Variants in NFILZ observed in about 807,000 individuals in gnomAD.
NFILZ encodes NFIL3 like basic leucine zipper.
At chr19:8,652,368 G>T (rs1555747790) in intron 3 of NFILZ, among the ~76,000 whole-genome samples, 1 of 152,222 alleles carries the variant, frequency 6.6e-6, no homozygotes. Flanking sequence ...CTCCCAAAGT[G>T]CTGGGATTAC....
chr19:8,638,514 A>G (rs570288706), intron 3 of NFILZ: 14 of 152,330 alleles, frequency 9.2e-5, no homozygotes, highest in South Asian at 6.2e-4. Context: ...TCATTCAACA[A>G]ATATTTACGG....
rs2043131559 is a variant in NFILZ at position 8,678,868 on chromosome 19, G to A, written c.*1233G>A. Among the ~76,000 whole-genome samples the A allele has an allele frequency of 6.6e-6, 1 of 152,176 alleles. No individual in the cohort carries two copies. The highest frequency in any genetic ancestry group is 2.1e-4 in the South Asian group (1 of 4,834). On this transcript the variant is annotated 3_prime_UTR_variant, in exon 6 of 6. Transcript: ENST00000691075. ...TCCTTTTGTGCCCAGTTAGTGACAAGTGAGAAGACACTTTTCTGGTCTTGG... is the reference window on the plus strand; with the variant it reads ...TCCTTTTGTGCCCAGTTAGTGACAAATGAGAAGACACTTTTCTGGTCTTGG...
chr19:8,677,972 T>C lies in NFILZ; in HGVS notation c.*337T>C, dbSNP rs1234942985. On this transcript the variant is annotated 3_prime_UTR_variant, in exon 6 of 6. Transcript: ENST00000691075. ...CATTCATCCTCATTTATTCATCCAT[T>C]CATTCATTCATCAATCCTTATCCAT... Among the ~76,000 whole-genome samples, 3 of 151,780 alleles carry C rather than the reference T, an allele frequency of 2.0e-5. No homozygotes were observed. The highest frequency in any genetic ancestry group is 4.4e-5 in the Non-Finnish European group (3 of 67,896).
intron 2 of NFILZ, among the ~76,000 whole-genome samples, chr19:8,633,747 G>T (rs934130820): frequency 6.6e-6 from 1 of 152,286 alleles, no homozygotes; most frequent in South Asian, 2.1e-4. Context: ...CTGCCTCCTG[G>T]TCAAGGGAGC....
intron 3 of NFILZ, among the ~76,000 whole-genome samples, chr19:8,647,838 A>ACACAC: frequency 1.1e-5 from 1 of 91,230 alleles, no homozygotes; most frequent in Non-Finnish European, 2.3e-5. Context: ...CACACACACA[A>ACACAC]CTGGGGCCTG....
At chr19:8,664,545 C>T (rs1350001936) in intron 3 of NFILZ, among the ~76,000 whole-genome samples, 1 of 152,104 alleles carries the variant, frequency 6.6e-6, no homozygotes, top group African/African-American at 2.4e-5. Context: ...AGACTGAGTT[C>T]CCACAGAAGC....
intron 3 of NFILZ, among the ~76,000 whole-genome samples, chr19:8,656,495 C>CTCTGAAA (rs1171486642): frequency 4.8e-5 from 5 of 104,638 alleles, no homozygotes; most frequent in South Asian, 2.9e-4. Context: ...CCCACCTTCT[C>CTCTGAAA]CCGCAGCCCA....
chr19:8,635,031 C>A (rs1193272058), intron 2 of NFILZ, among the ~76,000 whole-genome samples: 1 of 151,994 alleles, frequency 6.6e-6, no homozygotes, highest in Non-Finnish European at 1.5e-5. Context: ...GAATACCGGC[C>A]AGGCCTGGTG....
intron 3 of NFILZ, among the ~76,000 whole-genome samples, chr19:8,647,570 C>T (rs1555747190): frequency 6.8e-6 from 1 of 148,140 alleles, no homozygotes; most frequent in Non-Finnish European, 1.5e-5. Context: ...GACATTCTGT[C>T]CCCGCACCCC....
chr19:8,633,070 G>T (rs1167225196), intron 2 of NFILZ, among the ~76,000 whole-genome samples: 1 of 134,386 alleles, frequency 7.4e-6, no homozygotes, highest in Non-Finnish European at 1.5e-5. Flanking sequence ...ACTCAGGCTG[G>T]AGTGCAGTGG....
Position 8,641,063 on chromosome 19 carries a change from G to A in NFILZ, c.-164+5317G>A, listed in dbSNP as rs537720432. Reference sequence around the variant, plus strand: ...TGCATCTTTGTAATTGTAGCATTTGGTGTTCACTTGAAGGATGGGTCTTCA... The same window carrying A: ...TGCATCTTTGTAATTGTAGCATTTGATGTTCACTTGAAGGATGGGTCTTCA... On this transcript the variant is annotated intron_variant, in intron 3 of 5. Transcript: ENST00000691075. 4.6e-5 allele frequency among the ~76,000 whole-genome samples: 7 copies of A among 152,260 alleles called. No individual in the cohort carries two copies. In the South Asian group the frequency reaches 1.4e-3, roughly 32 times the overall value.
chr19:8,645,736 G>A (rs1240597039), intron 3 of NFILZ, among the ~76,000 whole-genome samples: 2 of 152,130 alleles, frequency 1.3e-5, no homozygotes, highest in Non-Finnish European at 2.9e-5. Flanking sequence ...GGAAGGATTG[G>A]GGCGTTAGCT....
intron 3 of NFILZ, among the ~76,000 whole-genome samples, chr19:8,668,511 A>G (rs1307704889): frequency 6.6e-6 from 1 of 152,202 alleles, no homozygotes; most frequent in Non-Finnish European, 1.5e-5. Context: ...TATTCATTGT[A>G]CAGCTCTTTC....
At chr19:8,652,568 AG>A in intron 3 of NFILZ, among the ~76,000 whole-genome samples, 1 of 152,360 alleles carries the variant, frequency 6.6e-6, no homozygotes, top group African/African-American at 2.4e-5. Context: ...TTCACGCTAA[AG>A]AATGAGGCAA....
chr19:8,655,382 C>T (rs2042987497), intron 3 of NFILZ, among the ~76,000 whole-genome samples: 2 of 152,172 alleles, frequency 1.3e-5, no homozygotes, highest in Non-Finnish European at 2.9e-5. Context: ...GTCTTCCTCC[C>T]CCTGTACCCT....
At chr19:8,657,076 C>T (rs2043007540) in intron 3 of NFILZ, among the ~76,000 whole-genome samples, 1 of 151,128 alleles carries the variant, frequency 6.6e-6, no homozygotes, top group Admixed American at 6.6e-5. Flanking sequence ...GTTCCTGTGC[C>T]TGTCTGGGGT....
chr19:8,650,008 G>GGGA (rs552600115), intron 3 of NFILZ, among the ~76,000 whole-genome samples: 203 of 151,976 alleles, frequency 1.3e-3, no homozygotes, highest in Non-Finnish European at 2.2e-3. Flanking sequence ...CCAGCCACTT[G>GGGA]GGAGGCTGAG....
intron 2 of NFILZ, among the ~76,000 whole-genome samples, chr19:8,633,763 C>T (rs1471800946): frequency 6.6e-6 from 1 of 152,080 alleles, no homozygotes; most frequent in African/African-American, 2.4e-5. Flanking sequence ...GGAGCAGGGT[C>T]CTGGGGAGGG....
chr19:8,662,822 A>G (rs1180459095), intron 3 of NFILZ, among the ~76,000 whole-genome samples: 1 of 150,544 alleles, frequency 6.6e-6, no homozygotes, highest in African/African-American at 2.4e-5. Context: ...TTTTTAGTAG[A>G]CATGGGGTTT....
Sources: gnomAD v4.1 joint callset for allele counts (sites outside exome capture counted in the v4.1 genomes callset) on GRCh38, gnomAD v4.1.1 for gene constraint, MANE v1.5 for transcripts, NCBI Gene and HGNC (gene_info 2026-07-23, HGNC 2026-07-21) for gene names.